The following CFAP92 variants were observed in gnomAD, a reference collection of about 807,000 sequenced individuals.
CFAP92 encodes the protein uncharacterized protein CFAP92.
In CFAP92, 86 loss-of-function variants were observed where a neutral mutation model predicts 106.3. The observed-to-expected ratio is 0.81, with a 90% CI of 0.68 to 0.97. The LOEUF is 0.97. Ranked by LOEUF, CFAP92 falls within the 50% of genes least tolerant of loss-of-function variation. The probability of loss-of-function intolerance (pLI) is 0.00; values close to 1 mark genes in which losing one functional copy is unlikely to be tolerated. For synonymous variants in CFAP92, 477 were observed against 506.4 expected (o/e 0.94, Z 0.78); for missense variants, 1,204 against 1,283.8 (o/e 0.94, Z 0.95).
At chr3:128,964,484 CTG>C (rs1308649995) in intron 9 of CFAP92, among the ~76,000 whole-genome samples, 3 of 152,336 alleles carry the variant, frequency 2.0e-5, no homozygotes, top group East Asian at 3.9e-4. Flanking sequence ...CCGGTTTACA[CTG>C]TTTCTCCAAG....
At chr3:129,004,163 G>A, upstream of CFAP92, 2 of 1,338,066 alleles carry the variant, frequency 1.5e-6, no homozygotes, top group Non-Finnish European at 1.9e-6. Context: ...CCCCTCCCAC[G>A]CGCTCTCGTG....
the CFAP92 span, among the ~76,000 whole-genome samples, chr3:129,022,503 T>C: frequency 6.6e-6 from 1 of 152,158 alleles, no homozygotes; most frequent in Non-Finnish European, 1.5e-5. Flanking sequence ...TGTCAGATTG[T>C]ATAAGCCCCT....
chr3:128,933,085 C>A lies in CFAP92; in HGVS notation c.2454-88G>T. On this transcript the variant is annotated intron_variant, in intron 11 of 15. Coordinates refer to ENST00000645291, the MANE Select transcript of CFAP92 (RefSeq NM_001394090.1). ...CCCATCCTACAGCAGGAAATGAACA[C>A]TCAGAGGCTGCTTAGCTGGTCCCAA... 3 of 1,240,042 alleles carry A rather than the reference C, an allele frequency of 2.4e-6. No homozygotes were observed. In the South Asian group the frequency reaches 4.0e-5, roughly 17 times the overall value. The allele number at this position is 1,240,042 out of a possible 1,614,324, so 76.8% of individuals were successfully genotyped here.
At chr3:128,934,412 T>G (rs1938756657) in intron 11 of CFAP92, among the ~76,000 whole-genome samples, 1 of 151,596 alleles carries the variant, frequency 6.6e-6, no homozygotes, top group African/African-American at 2.4e-5. Flanking sequence ...AGAGATGGGG[T>G]TTCTCCATGT....
chr3:128,928,455 A>T (rs1024062966), intron 12 of CFAP92, among the ~76,000 whole-genome samples: 7 of 152,214 alleles, frequency 4.6e-5, no homozygotes, highest in African/African-American at 1.7e-4. Flanking sequence ...TTGCTGGTAT[A>T]TGGAGAGGCA....
chr3:129,003,055 G>C (rs1341943061), upstream of CFAP92, among the ~76,000 whole-genome samples: 2 of 152,196 alleles, frequency 1.3e-5, no homozygotes, highest in African/African-American at 4.8e-5. Flanking sequence ...GAGGAGGAAA[G>C]GAACAGCCCC....
At position 128,987,777 on chromosome 3, in the gene CFAP92, G is replaced by A. The variant is rs1418155453; in HGVS notation, c.506C>T (p.Thr169Ile). ...TTCCTTTGTCACAGTGATATTAAAA[G>A]TCTGCTCCCACGACACCCAGGCTTT... The part of the protein sequence containing the change: ...GDKAWVSWEQ[T>I]FNITVTKELL... Residue 169 changes from threonine to isoleucine, a missense_variant, in exon 4 of 16, where the codon ACT becomes ATT. Physicochemically the swap from Thr to Ile is moderately conservative, Grantham distance 89. Coordinates refer to ENST00000645291, the MANE Select transcript of CFAP92 (RefSeq NM_001394090.1). The A allele has an allele frequency of 2.5e-6, 4 of 1,613,612 alleles. No homozygotes were observed. Among genetic ancestry groups the A allele is most frequent in the African/African-American group, 1.3e-5 (1 of 74,924 alleles).
At chr3:128,956,001 A>C (rs1344022003) in intron 9 of CFAP92, among the ~76,000 whole-genome samples, 2 of 75,442 alleles carry the variant, frequency 2.7e-5, no homozygotes, top group Non-Finnish European at 4.7e-5. Flanking sequence ...GTCATCACCA[A>C]TCCCTAATCT....
Position 128,931,417 on chromosome 3 carries a change from C to T in CFAP92, c.2751+1283G>A, listed in dbSNP as rs115140445. 4.7e-3 allele frequency among the ~76,000 whole-genome samples: 705 copies of T among 150,208 alleles called. 3 individuals are homozygous for T. The highest frequency in any genetic ancestry group is 0.016 in the African/African-American group (662 of 41,092). On this transcript the variant is annotated intron_variant, in intron 12 of 15. Transcript: ENST00000645291. ...CTGAGCTTAAGCAACCTGCCCACCTCGGCCTCCCAAAGTGGTATGAGATAT... is the reference window on the plus strand; with the variant it reads ...CTGAGCTTAAGCAACCTGCCCACCTTGGCCTCCCAAAGTGGTATGAGATAT...
At chr3:128,956,596 G>A (rs1260662512) in intron 9 of CFAP92, among the ~76,000 whole-genome samples, 1 of 150,764 alleles carries the variant, frequency 6.6e-6, no homozygotes, top group Non-Finnish European at 1.5e-5. Context: ...CTTACTTATA[G>A]GGAAAAAAAA....
intron 9 of CFAP92, among the ~76,000 whole-genome samples, chr3:128,951,098 G>A (rs1245601885): frequency 1.3e-5 from 2 of 152,162 alleles, no homozygotes; most frequent in Non-Finnish European, 2.9e-5. Flanking sequence ...AGCTGGGTGT[G>A]GTGCCAGGCA....
intron 4 of CFAP92, among the ~76,000 whole-genome samples, chr3:128,987,068 G>A (rs1250882465): frequency 6.6e-6 from 1 of 152,194 alleles, no homozygotes; most frequent in Non-Finnish European, 1.5e-5. Context: ...GGCTGAGGCA[G>A]GAGAATGGCT....
intron 12 of CFAP92, 49 bp from the exon 13 acceptor site, chr3:128,916,320 C>T: frequency 3.4e-6 from 4 of 1,183,242 alleles, no homozygotes; most frequent in Non-Finnish European, 4.2e-6. Flanking sequence ...ATCCTCACCC[C>T]CCATGCCAGC....
At chr3:128,944,639 T>C (rs1253864184) in intron 10 of CFAP92, among the ~76,000 whole-genome samples, 1 of 151,886 alleles carries the variant, frequency 6.6e-6, no homozygotes, top group Non-Finnish European at 1.5e-5. Flanking sequence ...TTGGACACTT[T>C]AATTATTCAC....
Position 128,993,150 on chromosome 3 carries a change from C to G in CFAP92, c.155G>C (p.Cys52Ser). 6.2e-7 allele frequency: 1 copy of G among 1,614,078 alleles called. No homozygotes were observed. The highest frequency in any genetic ancestry group is 8.5e-7 in the Non-Finnish European group (1 of 1,179,906). The change falls in exon 2 of 16, where the codon TGC (cysteine) becomes TCC (serine). Residue 52 changes from cysteine to serine, a missense_variant. Coordinates refer to ENST00000645291, the MANE Select transcript of CFAP92 (RefSeq NM_001394090.1). ...CTCAGATGAGGACTCGATGCTGCTG[C>G]ACGGGCGGTCAGAGTCAGACTCCTG... ...RAQESDSDRP[C>S]SSIESSSEPA... is the part of the protein sequence containing the mutation.
At chr3:128,960,923 C>T (rs1941856768) in intron 9 of CFAP92, among the ~76,000 whole-genome samples, 1 of 152,184 alleles carries the variant, frequency 6.6e-6, no homozygotes, top group Non-Finnish European at 1.5e-5. Context: ...GGCAAGAACC[C>T]CCAAACCCCT....
upstream of CFAP92, among the ~76,000 whole-genome samples, chr3:129,006,873 G>T (rs1012188827): frequency 2.6e-5 from 4 of 152,092 alleles, no homozygotes; most frequent in African/African-American, 9.7e-5. Context: ...GGACTGACCT[G>T]CCCCAAAGCT....
At chr3:128,933,071 G>A (rs16852367) in intron 11 of CFAP92, 74 bp from the exon 12 acceptor site, 26,607 of 1,371,138 alleles carry the variant, frequency 0.019, 782 homozygotes, top group South Asian at 0.1. Flanking sequence ...CCATCCTACA[G>A]CAGGAAATGA....
intron 9 of CFAP92, among the ~76,000 whole-genome samples, chr3:128,964,918 C>T (rs553552538): frequency 6.6e-6 from 1 of 152,290 alleles, no homozygotes; most frequent in South Asian, 2.1e-4. Context: ...CACTTCAACA[C>T]TATTTTGTTT....
Sources: allele counts gnomAD v4.1 joint callset (sites outside exome capture counted in the v4.1 genomes callset), GRCh38; gene constraint gnomAD v4.1.1; transcripts MANE v1.5; gene names NCBI Gene and HGNC (gene_info 2026-07-23, HGNC 2026-07-21).